Variants in RASA2 observed in about 807,000 individuals in gnomAD.
RASA2 encodes the protein ras GTPase-activating protein 2.
RASA2 carries 155 observed loss-of-function variants against 118.2 expected under a neutral mutation model. That is an observed-to-expected ratio of 1.31 (90% confidence interval 1.15 to 1.50). The LOEUF is 1.50. Among genes scored for constraint, RASA2 ranks in the 40% most tolerant of loss-of-function variants. The pLI is 0.00. For synonymous variants in RASA2, 353 were observed against 349.1 expected, an observed-to-expected ratio of 1.01 and a Z score of -0.12; for missense variants, 1,016 against 1,009.6, an observed-to-expected ratio of 1.01 and a Z score of -0.09.
At chr3:141,572,359 T>C (rs1238713216) in intron 11 of RASA2, among the ~76,000 whole-genome samples, 2 of 152,120 alleles carry the variant, frequency 1.3e-5, no homozygotes, top group African/African-American at 4.8e-5. Context: ...CCCAAAGTGA[T>C]GGGATAACAG....
At chr3:141,518,900 A>G (rs915225558) in intron 3 of RASA2, among the ~76,000 whole-genome samples, 6 of 152,076 alleles carry the variant, frequency 3.9e-5, no homozygotes, top group Non-Finnish European at 8.8e-5. Flanking sequence ...TCCTTTCCCC[A>G]TATCATTAAT....
At chr3:141,569,585 G>A (rs2082880864) in intron 9 of RASA2, among the ~76,000 whole-genome samples, 2 of 152,120 alleles carry the variant, frequency 1.3e-5, no homozygotes. Flanking sequence ...ATGAATACTT[G>A]ATTGTCAATG....
At chr3:141,565,708 C>A (rs1017075081) in intron 9 of RASA2, among the ~76,000 whole-genome samples, 15 of 152,198 alleles carry the variant, frequency 9.9e-5, no homozygotes, top group Non-Finnish European at 1.5e-4. Flanking sequence ...TCAATTAAAC[C>A]TCTTTCCTTT....
intron 9 of RASA2, among the ~76,000 whole-genome samples, chr3:141,562,603 C>T (rs1376318827): frequency 6.7e-6 from 1 of 149,948 alleles, no homozygotes; most frequent in Non-Finnish European, 1.5e-5. Flanking sequence ...GCCTGGGAGA[C>T]AGAGCGAGAC....
intron 6 of RASA2, 28 bp downstream of exon 6, chr3:141,553,968 T>C: frequency 1.3e-6 from 2 of 1,577,072 alleles, no homozygotes; most frequent in Non-Finnish European, 1.7e-6. Flanking sequence ...ATTATTAGGT[T>C]TTAAAGTTTT....
At chr3:141,500,856 TTTTTTTA>T (rs1411835967) in intron 1 of RASA2, among the ~76,000 whole-genome samples, 1 of 151,396 alleles carries the variant, frequency 6.6e-6, no homozygotes, top group African/African-American at 2.5e-5. Flanking sequence ...TCAGATTTTA[TTTTTTTA>T]TTTTTTATTT....
At chr3:141,545,371 A>G (rs2082468904) in intron 5 of RASA2, among the ~76,000 whole-genome samples, 1 of 152,020 alleles carries the variant, frequency 6.6e-6, no homozygotes, top group African/African-American at 2.4e-5. Context: ...AGGCCTCAGG[A>G]AGCTTCCAAT....
chr3:141,503,212 G>A (rs1302256403), intron 1 of RASA2, among the ~76,000 whole-genome samples: 1 of 152,088 alleles, frequency 6.6e-6, no homozygotes, highest in African/African-American at 2.4e-5. Context: ...AAACATACAT[G>A]CAAACCTTCA....
intron 1 of RASA2, among the ~76,000 whole-genome samples, chr3:141,487,753 T>G (rs1195074097): frequency 6.6e-6 from 1 of 150,762 alleles, no homozygotes; most frequent in African/African-American, 2.4e-5. Context: ...CTGGGAGAGG[T>G]TGAAAAAGGC....
rs2082954184 is a variant in RASA2, at chr3:141,573,319, C to T, written c.1359+98C>T. 1.0e-5 allele frequency: 13 copies of T among 1,276,858 alleles called. No individual in the cohort carries two copies. The South Asian group carries it at 2.1e-4, about 20-fold the overall frequency. 79.1% of individuals were successfully genotyped at this position (1,276,858 alleles called of 1,614,324 possible). ...TATGATAAAGCCATATAGAGGGAAG[C>T]AGTGCTGTTTATTCTTCACATAAGC... On this transcript the variant is annotated intron_variant, in intron 13 of 23. Transcript: ENST00000286364.
intron 16 of RASA2, 125 bp from the exon 17 acceptor site, chr3:141,580,975 C>T: frequency 9.5e-7 from 1 of 1,054,410 alleles, no homozygotes. Context: ...CACTCCAAGC[C>T]CTGAACTCTC....
intron 19 of RASA2, among the ~76,000 whole-genome samples, chr3:141,599,020 G>GGAGGTTGCAGTGAGCC (rs2083419630): frequency 6.6e-6 from 1 of 152,072 alleles, no homozygotes; most frequent in African/African-American, 2.4e-5. Context: ...CCCAGGAGGT[G>GGAGGTTGCAGTGAGCC]GAGGTTGCAG....
chr3:141,562,951 G>A (rs901180768), intron 9 of RASA2, among the ~76,000 whole-genome samples: 2 of 152,280 alleles, frequency 1.3e-5, no homozygotes, highest in South Asian at 2.1e-4. Flanking sequence ...GATTACAGGC[G>A]TGAGCCACCG....
intron 19 of RASA2, among the ~76,000 whole-genome samples, chr3:141,602,327 A>G (rs1038542699): frequency 1.3e-5 from 2 of 152,238 alleles, no homozygotes; most frequent in Non-Finnish European, 2.9e-5. Context: ...ACCTCAGATC[A>G]TCAGGCATTA....
chr3:141,559,831 T>G, intron 8 of RASA2, 63 bp from the exon 9 acceptor site: 1 of 1,339,030 alleles, frequency 7.5e-7, no homozygotes, highest in Non-Finnish European at 1.1e-6. Context: ...TTTGAAGCTG[T>G]TTTGTGGTGT....
At chr3:141,601,388 T>C (rs2083461421) in intron 19 of RASA2, among the ~76,000 whole-genome samples, 1 of 151,728 alleles carries the variant, frequency 6.6e-6, no homozygotes, top group African/African-American at 2.4e-5. Context: ...TGAGCCGAGA[T>C]GGCATCACTG....
intron 4 of RASA2, among the ~76,000 whole-genome samples, chr3:141,536,502 G>A (rs1300026623): frequency 6.6e-6 from 1 of 152,038 alleles, no homozygotes; most frequent in African/African-American, 2.4e-5. Flanking sequence ...ATAAGATAAT[G>A]TGATATTATA....
intron 4 of RASA2, among the ~76,000 whole-genome samples, chr3:141,539,399 T>C (rs551426534): frequency 6.6e-6 from 1 of 152,338 alleles, no homozygotes; most frequent in East Asian, 1.9e-4. Context: ...CAGTATTTTT[T>C]GCTCATCTCT....
chr3:141,597,376 T>G (rs956442828), intron 19 of RASA2, among the ~76,000 whole-genome samples: 1 of 152,184 alleles, frequency 6.6e-6, no homozygotes, highest in Non-Finnish European at 1.5e-5. Flanking sequence ...ATGATTCCAT[T>G]TATACGAAGT....
Sources: allele counts gnomAD v4.1 joint callset (sites outside exome capture counted in the v4.1 genomes callset), GRCh38; gene constraint gnomAD v4.1.1; transcripts MANE v1.5; gene names NCBI Gene and HGNC (gene_info 2026-07-23, HGNC 2026-07-21).